Variants in GNAS observed in about 807,000 individuals in gnomAD.
GNAS encodes protein ALEX.
In GNAS, 8 loss-of-function variants were observed where a neutral mutation model predicts 54.5. The observed-to-expected ratio is 0.15, with a 90% CI of 0.09 to 0.26. GNAS has a LOEUF of 0.26. Among genes scored for constraint, GNAS ranks in the 10% least tolerant of loss-of-function variants. The pLI is 1.00. For synonymous variants in GNAS, 204 were observed against 191.4 expected, an observed-to-expected ratio of 1.07 and a Z score of -0.54; for missense variants, 170 against 529.8, an observed-to-expected ratio of 0.32 and a Z score of 6.67.
intron 1 of GNAS, among the ~76,000 whole-genome samples, chr20:58,865,012 T>C (rs2086973645): frequency 6.6e-6 from 1 of 152,090 alleles, no homozygotes; most frequent in African/African-American, 2.4e-5. Context: ...AAACTGTTTC[T>C]AGTCATTGCC....
At position 58,900,163 on chromosome 20, in the gene GNAS, T is replaced by A. The variant is rs2090476848; in HGVS notation, c.257+1178T>A. On this transcript the variant is annotated intron_variant, in intron 3 of 12. Transcript: ENST00000371085. ...CTGAAATCCTTAATTGGCAGAAATG[T>A]AGTATGACAACTATCCAAAAAGGCA... The A allele has an allele frequency of 3.1e-5, 18 of 584,868 alleles. No individual in the cohort carries two copies. In the South Asian group the frequency reaches 3.8e-4, roughly 12 times the overall value. 36.2% of individuals were successfully genotyped at this position (584,868 alleles called of 1,614,324 possible). A position where few individuals can be genotyped will look rare whatever the true frequency, so the allele number is the denominator to read the frequency against.
In GNAS at chr20:58,854,032, C is replaced by T. The variant is rs943137832; in HGVS notation, c.43+13146C>T. 2.5e-6 allele frequency: 4 copies of T among 1,611,000 alleles called. No individual in the cohort carries two copies. In the African/African-American group the frequency reaches 4.0e-5, roughly 16 times the overall value. On this transcript the variant is annotated intron_variant, in intron 1 of 12. Coordinates refer to the GNAS transcript ENST00000306090. ...CAAGTCGACGGCAGCAGCCAGTTCG[C>T]GGCAGTCGCGGCCTCGAGTGCGGTC...
chr20:58,895,159 TC>T, intron 1 of GNAS: 1 of 261,474 alleles, frequency 3.8e-6, no homozygotes, highest in Non-Finnish European at 7.5e-6. Context: ...TTGTTGGGAA[TC>T]CCGGGTATTT....
chr20:58,896,789 C>T (rs536977400), intron 2 of GNAS, among the ~76,000 whole-genome samples: 8 of 152,160 alleles, frequency 5.3e-5, no homozygotes, highest in Middle Eastern at 3.4e-3. Flanking sequence ...AACTTGGATT[C>T]GATTGAAAAT....
At chr20:58,840,547 G>A (rs77400319), upstream of GNAS, 432 of 1,613,256 alleles carry the variant, frequency 2.7e-4, 1 homozygote, top group African/African-American at 5.1e-3. This position sits in a 1 kb window ranked among gnomAD's most constrained non-coding sequence, Gnocchi z 6.0. Context: ...ATCGCGGCCC[G>A]GTGGTGCCCA....
In GNAS at chr20:58,903,923, G is replaced by GT. The variant is rs2090867207; in HGVS notation, c.432+133dup. 3 of 875,732 alleles carry GT rather than the reference G, an allele frequency of 3.4e-6. No individual in the cohort carries two copies. The South Asian group carries it at 4.0e-5, about 12-fold the overall frequency. 54.2% of individuals were successfully genotyped at this position (875,732 alleles called of 1,614,324 possible). ...ACACTTCAGGCAAAACTACATTTCA[G>GT]TGATGTCCATCCTTAGGAAAAAGTT... On this transcript the variant is annotated intron_variant, in intron 5 of 12. Transcript: ENST00000371085.
intron 1 of GNAS, among the ~76,000 whole-genome samples, chr20:58,846,845 G>A (rs1191635803): frequency 6.6e-6 from 1 of 152,186 alleles, no homozygotes; most frequent in Non-Finnish European, 1.5e-5. Flanking sequence ...AGGGTGGCTG[G>A]AATTCCCACT....
intron 3 of GNAS, chr20:58,899,525 A>T (rs751578912): frequency 1.8e-6 from 1 of 542,728 alleles, no homozygotes; most frequent in African/African-American, 1.9e-5. Flanking sequence ...AAAAATGATC[A>T]AATTTATTTG....
intron 3 of GNAS, chr20:58,900,317 T>G: frequency 3.4e-6 from 1 of 296,018 alleles, no homozygotes; most frequent in Non-Finnish European, 6.3e-6. Flanking sequence ...ACCCTACTAA[T>G]ACCTTGGCCT....
At chr20:58,890,019 C>T (rs2088988482), upstream of GNAS, among the ~76,000 whole-genome samples, 1 of 151,502 alleles carries the variant, frequency 6.6e-6, no homozygotes, top group Non-Finnish European at 1.5e-5. Flanking sequence ...GCTCGCGCCG[C>T]GGAAGAGCGG....
In GNAS at chr20:58,858,370, AAGAG is replaced by A. The variant is rs139713343; in HGVS notation, c.43+17500_43+17503del. Among the ~76,000 whole-genome samples, 8 of 151,122 alleles carry A rather than the reference AAGAG, an allele frequency of 5.3e-5. 1 individual carries two copies. Among genetic ancestry groups the A allele is most frequent in the African/African-American group, 1.9e-4 (8 of 41,294 alleles). On this transcript the variant is annotated intron_variant, in intron 1 of 12. Coordinates refer to the GNAS transcript ENST00000306090. The stretch of plus-strand genomic sequence containing the variant: ...CATTACAGGGAATCCTAAGAAATCA[AAGAG>A]AGAGAGAGAGAGAGAAAGATAGATA...
intron 1 of GNAS, chr20:58,854,260 T>G: frequency 6.2e-7 from 1 of 1,613,034 alleles, no homozygotes; most frequent in Non-Finnish European, 8.5e-7. Flanking sequence ...CCAATCGCGC[T>G]TGACGGCCCG....
chr20:58,901,369 G>A (rs138620728), intron 3 of GNAS, among the ~76,000 whole-genome samples: 9 of 152,260 alleles, frequency 5.9e-5, no homozygotes, highest in African/African-American at 2.2e-4. Flanking sequence ...CGCACAGAGC[G>A]GTCAGGACTC....
At position 58,854,472 on chromosome 20, in the gene GNAS, G is replaced by C. The variant is rs1359816741; in HGVS notation, c.43+13586G>C. ...AGCCCCTGCAGCCCCAGCCGATCCT[G>C]ACTCCGGGGCAACCCCAGAAGATCC... On this transcript the variant is annotated intron_variant, in intron 1 of 12. Transcript: ENST00000306090. The C allele has an allele frequency of 2.5e-6, 4 of 1,583,742 alleles. No homozygotes were observed. In the South Asian group the frequency reaches 3.4e-5, roughly 14 times the overall value.
intron 1 of GNAS, chr20:58,854,275 T>C (rs548462282): frequency 2.7e-5 from 44 of 1,611,876 alleles, no homozygotes; most frequent in Non-Finnish European, 3.0e-5. Flanking sequence ...GGCCCGCCCA[T>C]CAAGGTCTCC....
chr20:58,881,986 C>T (rs962121941), intron 1 of GNAS, among the ~76,000 whole-genome samples: 1 of 152,208 alleles, frequency 6.6e-6, no homozygotes, highest in African/African-American at 2.4e-5. Context: ...CCTAGAAGGG[C>T]TTTGTCCCAG....
At position 58,863,945 on chromosome 20, in the gene GNAS, C is replaced by T. The variant is rs985852249; in HGVS notation, c.43+23059C>T. ...ATGATCCACAGAAACTAAAGTCAGGCATTGTAGGACAGTCCAGAACCCAAG... is the reference window on the plus strand; with the variant it reads ...ATGATCCACAGAAACTAAAGTCAGGTATTGTAGGACAGTCCAGAACCCAAG... On this transcript the variant is annotated intron_variant, in intron 1 of 12. Coordinates refer to the GNAS transcript ENST00000306090. The surrounding 1 kb of genome is among the most constrained non-coding windows in gnomAD (Gnocchi z 4.1). 4 of 152,448 alleles carry T rather than the reference C, an allele frequency of 2.6e-5. No individual in the cohort carries two copies. Among genetic ancestry groups the T allele is most frequent in the Non-Finnish European group, 5.9e-5 (4 of 68,026 alleles). The allele number at this position is 152,448 out of a possible 1,614,324, so 9.4% of individuals were successfully genotyped here. A position where few individuals can be genotyped will look rare whatever the true frequency, so the allele number is the denominator to read the frequency against.
Position 58,853,711 on chromosome 20 carries a change from C to T in GNAS, c.43+12825C>T. Reference sequence around the variant, plus strand: ...CCCGGAGCCTTCAGTGGTGCCAGACCAGGCCTGGGAGGATACAGCCCTCCA... The same window carrying T: ...CCCGGAGCCTTCAGTGGTGCCAGACTAGGCCTGGGAGGATACAGCCCTCCA... On this transcript the variant is annotated intron_variant, in intron 1 of 12. Coordinates refer to the GNAS transcript ENST00000306090. This position sits in a 1 kb window ranked among gnomAD's most constrained non-coding sequence, Gnocchi z 4.4. 6.2e-7 allele frequency: 1 copy of T among 1,613,860 alleles called. No homozygotes were observed. Among genetic ancestry groups the T allele is most frequent in the Admixed American group, 1.7e-5 (1 of 60,030 alleles).
chr20:58,904,361 A>G (rs932675658), intron 5 of GNAS, among the ~76,000 whole-genome samples: 2 of 152,228 alleles, frequency 1.3e-5, no homozygotes, highest in African/African-American at 4.8e-5. Context: ...CATTATTAAA[A>G]AAAATGAAAT....
Sources: allele counts gnomAD v4.1 joint callset (sites outside exome capture counted in the v4.1 genomes callset), GRCh38; gene constraint gnomAD v4.1.1; non-coding constraint Gnocchi (gnomAD v3.1); transcripts MANE v1.5; gene names NCBI Gene and HGNC (gene_info 2026-07-23, HGNC 2026-07-21).